Variants in KDM3B observed in about 807,000 individuals in gnomAD.
The protein encoded by KDM3B is lysine demethylase 3B, also known as lysine-specific demethylase 3B.
A neutral mutation model predicts 170.0 loss-of-function variants in KDM3B; 10 were observed. The observed-to-expected ratio is 0.06, with a 90% CI of 0.04 to 0.10. The LOEUF is 0.10. Ranked by LOEUF, KDM3B falls within the 10% of genes least tolerant of loss-of-function variation. The probability of loss-of-function intolerance (pLI) is 1.00; values close to 1 mark genes in which losing one functional copy is unlikely to be tolerated. For synonymous variants in KDM3B, 831 were observed against 834.8 expected (o/e 1.00, Z 0.08); for missense variants, 1,394 against 2,195.2 (o/e 0.64, Z 7.29).
At position 138,419,396 on chromosome 5, in the gene KDM3B, G is replaced by A. The variant is rs369176080; in HGVS notation, c.3715+164G>A. Among the ~76,000 whole-genome samples the A allele has an allele frequency of 1.3e-4, 19 of 151,982 alleles. No homozygotes were observed. The East Asian group carries it at 2.7e-3, about 22-fold the overall frequency. Reference sequence around the variant, plus strand: ...CGGGGCCTGGCGTGGTGGCTCACGCGTGTAATCCCAGCACTTTGGGAGGCA... The same window carrying A: ...CGGGGCCTGGCGTGGTGGCTCACGCATGTAATCCCAGCACTTTGGGAGGCA... On this transcript the variant is annotated intron_variant, in intron 14 of 23. Coordinates refer to ENST00000314358, the MANE Select transcript of KDM3B (RefSeq NM_016604.4).
chr5:138,359,641 G>A (rs1300856725), intron 1 of KDM3B, among the ~76,000 whole-genome samples: 1 of 151,964 alleles, frequency 6.6e-6, no homozygotes, highest in East Asian at 1.9e-4. Flanking sequence ...TGAGATGAGG[G>A]ACCTAATTTG....
intron 6 of KDM3B, 60 bp downstream of exon 6, chr5:138,381,650 T>C: frequency 9.6e-7 from 1 of 1,042,646 alleles, no homozygotes; most frequent in South Asian, 1.3e-5. Context: ...TTGCTGTGTG[T>C]AGATCCCTTA....
intron 10 of KDM3B, 79 bp from the exon 11 acceptor site, chr5:138,399,781 G>T: frequency 7.5e-7 from 1 of 1,334,346 alleles, no homozygotes; most frequent in East Asian, 2.4e-5. Context: ...AAAATAGCTT[G>T]AGTAGGGATC....
chr5:138,359,236 A>G (rs989131828), intron 1 of KDM3B, among the ~76,000 whole-genome samples: 1 of 151,218 alleles, frequency 6.6e-6, no homozygotes, highest in Non-Finnish European at 1.5e-5. Flanking sequence ...GTCTTGGCTC[A>G]CTGCAACCTC....
chr5:138,398,110 C>T (rs1762591767), intron 9 of KDM3B, 68 bp from the exon 10 acceptor site: 1 of 1,218,140 alleles, frequency 8.2e-7, no homozygotes, highest in Non-Finnish European at 1.2e-6. Context: ...TGTTTAGGTC[C>T]CAGGAGTTTA....
At position 138,384,353 on chromosome 5, in the gene KDM3B, A is replaced by T. The variant is rs191626727; in HGVS notation, c.781-1669A>T. On this transcript the variant is annotated intron_variant, in intron 6 of 23. Coordinates refer to ENST00000314358, the MANE Select transcript of KDM3B (RefSeq NM_016604.4). Reference sequence around the variant, plus strand: ...GGTGGCTCATACCTGTAATCCCAGCACTTTGGGAGGCCGAGGTGGGCAGAT... The same window carrying T: ...GGTGGCTCATACCTGTAATCCCAGCTCTTTGGGAGGCCGAGGTGGGCAGAT... Among the ~76,000 whole-genome samples, 206 of 151,984 alleles carry T rather than the reference A, an allele frequency of 1.4e-3. 1 individual carries two copies. Among genetic ancestry groups the T allele is most frequent in the African/African-American group, 4.6e-3 (191 of 41,462 alleles).
At chr5:138,361,234 C>T (rs139556286) in intron 1 of KDM3B, among the ~76,000 whole-genome samples, 3 of 152,194 alleles carry the variant, frequency 2.0e-5, no homozygotes, top group African/African-American at 7.2e-5. Flanking sequence ...GCCCCTGGTG[C>T]GAAAGCATCA....
chr5:138,393,674 A>T (rs1195347148), intron 9 of KDM3B, among the ~76,000 whole-genome samples: 1 of 152,216 alleles, frequency 6.6e-6, no homozygotes, highest in African/African-American at 2.4e-5. Flanking sequence ...TATAAGCAGA[A>T]GGACTGCATT....
At chr5:138,424,373 TTCTC>T (rs1763343523) in intron 16 of KDM3B, 32 bp downstream of exon 16, 1 of 1,597,868 alleles carries the variant, frequency 6.3e-7, no homozygotes. Context: ...CAAGGGCCAA[TTCTC>T]TGCCTGCCTA....
rs763753023 is a variant in KDM3B, at chr5:138,436,684, C to T, written c.*984C>T. The T allele has an allele frequency of 6.6e-6, 1 of 152,152 alleles. No individual in the cohort carries two copies. Among genetic ancestry groups the T allele is most frequent in the African/African-American group, 2.4e-5 (1 of 41,420 alleles). 9.4% of individuals were successfully genotyped at this position (152,152 alleles called of 1,614,324 possible). A position where few individuals can be genotyped will look rare whatever the true frequency, so the allele number is the denominator to read the frequency against. On this transcript the variant is annotated 3_prime_UTR_variant, in exon 24 of 24. Coordinates refer to ENST00000314358, the MANE Select transcript of KDM3B (RefSeq NM_016604.4). The stretch of plus-strand genomic sequence containing the variant: ...TTACCAGTGTTCCCTGGGGACTCCT[C>T]TTAATGTTTCCAAATGGGAAGGACA...
At chr5:138,418,929 T>C in intron 13 of KDM3B, 24 bp from the exon 14 acceptor site, 9 of 1,608,538 alleles carry the variant, frequency 5.6e-6, no homozygotes, top group Non-Finnish European at 7.7e-6. Flanking sequence ...AGCACTCTAA[T>C]TATGTTGGCC....
chr5:138,396,157 G>A (rs1398530038), intron 9 of KDM3B, among the ~76,000 whole-genome samples: 8 of 151,674 alleles, frequency 5.3e-5, no homozygotes, highest in South Asian at 2.1e-4. Flanking sequence ...GTGCAGTGGC[G>A]CAATCTTGGC....
Position 138,429,869 on chromosome 5 carries a change from G to T in KDM3B, c.4797G>T (p.Thr1599=). The T allele has an allele frequency of 3.1e-6, 5 of 1,614,174 alleles. No individual in the cohort carries two copies. The highest frequency in any genetic ancestry group is 4.2e-6 in the Non-Finnish European group (5 of 1,180,018). Residue 1599 remains threonine, a synonymous_variant, in exon 21 of 24, where the codon ACG becomes ACT. Transcript: ENST00000314358. ...ACGAGGGAGATGCCGATGAGGTGAC[G>T]AAGCAGAGGATTCATGATGGAAAAG... ...TIDEGDADEV[T]KQRIHDGKEK...
At chr5:138,392,291 T>TGCTCTGGCACTGG in intron 8 of KDM3B, 30 bp downstream of exon 8, 1 of 1,464,226 alleles carries the variant, frequency 6.8e-7, no homozygotes. Flanking sequence ...ATTTGGGCTT[T>TGCTCTGGCACTGG]GCTCTGGCAC....
At chr5:138,417,685 C>CT in intron 13 of KDM3B, 75 bp downstream of exon 13, 7 of 1,465,210 alleles carry the variant, frequency 4.8e-6, no homozygotes, top group Non-Finnish European at 6.6e-6. Context: ...CTTTTCAACT[C>CT]TGTTATGCCA....
At chr5:138,359,851 C>T (rs1441162633) in intron 1 of KDM3B, among the ~76,000 whole-genome samples, 1 of 152,100 alleles carries the variant, frequency 6.6e-6, no homozygotes, top group Non-Finnish European at 1.5e-5. Flanking sequence ...CTTAATCTTT[C>T]ATCTCTCTTT....
intron 4 of KDM3B, among the ~76,000 whole-genome samples, chr5:138,378,083 CAG>C (rs1488524434): frequency 6.6e-6 from 1 of 152,138 alleles, no homozygotes; most frequent in African/African-American, 2.4e-5. Flanking sequence ...GTGTCTGTAA[CAG>C]AGGTGAGACT....
intron 7 of KDM3B, among the ~76,000 whole-genome samples, chr5:138,388,314 C>G (rs1338543404): frequency 6.6e-6 from 1 of 151,950 alleles, no homozygotes; most frequent in East Asian, 1.9e-4. Flanking sequence ...CTGTTTGGTT[C>G]TTCTTCTAGG....
At chr5:138,385,894 G>A in intron 6 of KDM3B, 128 bp from the exon 7 acceptor site, 1 of 1,042,294 alleles carries the variant, frequency 9.6e-7, no homozygotes, top group South Asian at 1.7e-5. Flanking sequence ...GGATGTTTTA[G>A]AACTGGCATT....
Sources: gnomAD v4.1 joint callset for allele counts (sites outside exome capture counted in the v4.1 genomes callset) on GRCh38, gnomAD v4.1.1 for gene constraint, MANE v1.5 for transcripts, NCBI Gene and HGNC (gene_info 2026-07-23, HGNC 2026-07-21) for gene names.